The following NRXN3 variants were observed in gnomAD, a reference collection of about 807,000 sequenced individuals.
NRXN3 encodes neurexin III.
NRXN3 carries 32 observed loss-of-function variants against 137.6 expected under a neutral mutation model. The observed-to-expected ratio is 0.23, with a 90% CI of 0.18 to 0.31. The LOEUF (loss-of-function observed/expected upper bound fraction) is 0.31, where lower values mean the gene tolerates loss of function less well. Among genes scored for constraint, NRXN3 ranks in the 10% least tolerant of loss-of-function variants. The pLI is 1.00. For synonymous variants in NRXN3, 798 were observed against 784.5 expected, an observed-to-expected ratio of 1.02 and a Z score of -0.29; for missense variants, 1,574 against 2,062.5, an observed-to-expected ratio of 0.76 and a Z score of 4.59.
At chr14:79,245,529 C>G (rs2153359105) in intron 15 of NRXN3, among the ~76,000 whole-genome samples, 1 of 152,226 alleles carries the variant, frequency 6.6e-6, no homozygotes, top group African/African-American at 2.4e-5. Flanking sequence ...AGATATTCAT[C>G]TTTCCTAAGC....
chr14:78,435,277 A>C (rs1203642993), intron 4 of NRXN3, among the ~76,000 whole-genome samples: 1 of 152,172 alleles, frequency 6.6e-6, no homozygotes, highest in Admixed American at 6.5e-5. Flanking sequence ...CAGACATAGT[A>C]TTGGCCACTA....
intron 2 of NRXN3, among the ~76,000 whole-genome samples, chr14:78,264,533 T>G (rs2071363713): frequency 6.6e-6 from 1 of 151,648 alleles, no homozygotes; most frequent in Admixed American, 6.6e-5. Context: ...TTTGGTTCAT[T>G]CCCCTTTCCT....
intron 16 of NRXN3, among the ~76,000 whole-genome samples, chr14:79,547,129 C>A (rs891132233): frequency 3.3e-5 from 5 of 152,116 alleles, no homozygotes; most frequent in African/African-American, 4.8e-5. Context: ...TATGTCCATG[C>A]CCACTTCCCC....
intron 6 of NRXN3, among the ~76,000 whole-genome samples, chr14:78,664,258 C>G (rs1220474138): frequency 6.6e-6 from 1 of 152,162 alleles, no homozygotes; most frequent in Admixed American, 6.5e-5. Flanking sequence ...GCTTCTCTCT[C>G]TCCACCTTAA....
intron 15 of NRXN3, among the ~76,000 whole-genome samples, chr14:79,137,001 T>C (rs550637229): frequency 5.6e-4 from 86 of 152,314 alleles, no homozygotes; most frequent in African/African-American, 1.8e-3. Flanking sequence ...ATCATTTCAC[T>C]TTAATCACCT....
chr14:78,877,113 C>T (rs1322908401), intron 10 of NRXN3, among the ~76,000 whole-genome samples: 3 of 152,186 alleles, frequency 2.0e-5, no homozygotes, highest in African/African-American at 7.2e-5. Context: ...ATATTGTAGA[C>T]TTTCCAGAAA....
chr14:78,658,105 C>T (rs1435713010), intron 6 of NRXN3, among the ~76,000 whole-genome samples: 2 of 152,160 alleles, frequency 1.3e-5, no homozygotes, highest in African/African-American at 4.8e-5. Context: ...TAGGTCATAG[C>T]TTTGGGCCTA....
chr14:79,042,096 C>T lies in NRXN3; in HGVS notation c.3262+53955C>T, dbSNP rs1255475158. On this transcript the variant is annotated intron_variant, in intron 15 of 20. Coordinates refer to ENST00000335750, the MANE Select transcript of NRXN3 (RefSeq NM_001330195.2). ...GTATTGTTGCAAAAGGAAAGCCGGC[C>T]TTGTCATTTATCTAACCAAACATTC... 1.3e-5 allele frequency among the ~76,000 whole-genome samples: 2 copies of T among 152,186 alleles called. 1 individual carries two copies. Among genetic ancestry groups the T allele is most frequent in the African/African-American group, 4.8e-5 (2 of 41,450 alleles).
chr14:78,721,869 T>C (rs898854759), intron 8 of NRXN3, among the ~76,000 whole-genome samples: 3 of 152,202 alleles, frequency 2.0e-5, no homozygotes, highest in Non-Finnish European at 4.4e-5. Flanking sequence ...TTTTTTGCTT[T>C]TCTGTTGTTG....
In NRXN3 at chr14:78,680,431, T is replaced by C. The variant is rs377700001; in HGVS notation, c.1222-28786T>C. On this transcript the variant is annotated intron_variant, in intron 6 of 20. Coordinates refer to ENST00000335750, the MANE Select transcript of NRXN3 (RefSeq NM_001330195.2). ...TATTTATTACTGAAAAAATACATAT[T>C]GTAAACCTTAAAAAATAAGAGACGA... 2.6e-5 allele frequency among the ~76,000 whole-genome samples: 4 copies of C among 152,290 alleles called. No homozygotes were observed. The South Asian group carries it at 6.2e-4, about 24-fold the overall frequency.
intron 15 of NRXN3, among the ~76,000 whole-genome samples, chr14:79,080,309 A>C (rs555574239): frequency 6.6e-6 from 1 of 152,184 alleles, no homozygotes; most frequent in East Asian, 1.9e-4. Context: ...AATAATAAAC[A>C]CTGGGCAGAA....
chr14:79,828,012 T>C (rs544173162), intron 20 of NRXN3, among the ~76,000 whole-genome samples: 1 of 152,240 alleles, frequency 6.6e-6, no homozygotes, highest in South Asian at 2.1e-4. Context: ...AACTTTTATA[T>C]GACCGGATCT....
intron 16 of NRXN3, among the ~76,000 whole-genome samples, chr14:79,584,413 A>G (rs2097748133): frequency 6.6e-6 from 1 of 152,178 alleles, no homozygotes; most frequent in East Asian, 1.9e-4. Flanking sequence ...TATTTGCATG[A>G]GTCCATAGGC....
rs2096882338 is a variant in NRXN3 at position 78,570,786 on chromosome 14, T to G, written c.758-74334T>G. 1.3e-5 allele frequency among the ~76,000 whole-genome samples: 2 copies of G among 152,202 alleles called. 1 individual carries two copies. Among genetic ancestry groups the G allele is most frequent in the South Asian group, 4.1e-4 (2 of 4,820 alleles). On this transcript the variant is annotated intron_variant, in intron 4 of 20. Transcript: ENST00000335750. ...ATTAAGTGATTGCATTGGTGACTTT[T>G]TAAAGCCGCCCAGTAGTTGAGCCCC...
At chr14:78,617,012 C>G (rs55661918) in intron 4 of NRXN3, among the ~76,000 whole-genome samples, 28,385 of 152,114 alleles carry the variant, frequency 0.19, 2,848 homozygotes, top group South Asian at 0.25. Flanking sequence ...CTGCTCACCC[C>G]CCACTGCACT....
intron 15 of NRXN3, among the ~76,000 whole-genome samples, chr14:79,035,163 G>C (rs1403804425): frequency 6.6e-6 from 1 of 152,070 alleles, no homozygotes; most frequent in Non-Finnish European, 1.5e-5. Context: ...AAGCTAATTT[G>C]TTAAGTCCAT....
chr14:79,391,695 C>G (rs1490933192), intron 15 of NRXN3, among the ~76,000 whole-genome samples: 1 of 152,112 alleles, frequency 6.6e-6, no homozygotes, highest in Non-Finnish European at 1.5e-5. Flanking sequence ...GGACTTGGCT[C>G]CAGAAAGAAT....
intron 8 of NRXN3, among the ~76,000 whole-genome samples, chr14:78,721,251 T>C (rs1012435383): frequency 6.6e-6 from 1 of 152,196 alleles, no homozygotes; most frequent in African/African-American, 2.4e-5. Context: ...TGGTGGTTGC[T>C]TTCACTGGTC....
intron 15 of NRXN3, among the ~76,000 whole-genome samples, chr14:79,144,171 T>A (rs1271176918): frequency 6.6e-6 from 1 of 152,200 alleles, no homozygotes; most frequent in Non-Finnish European, 1.5e-5. Flanking sequence ...CTAGCCCTGA[T>A]AATACGTATT....
Sources: allele counts gnomAD v4.1 joint callset (sites outside exome capture counted in the v4.1 genomes callset), GRCh38; gene constraint gnomAD v4.1.1; transcripts MANE v1.5; gene names NCBI Gene and HGNC (gene_info 2026-07-23, HGNC 2026-07-21).